The following VTCN1 variants were observed in gnomAD, a reference collection of about 807,000 sequenced individuals.
VTCN1 encodes V-set domain containing T cell activation inhibitor 1, also known as V-set domain-containing T-cell activation inhibitor 1.
In VTCN1, 26 loss-of-function variants were observed where a neutral mutation model predicts 26.5. That is an observed-to-expected ratio of 0.98 (90% CI 0.72 to 1.36). The LOEUF is 1.36. Among genes scored for constraint, VTCN1 ranks in the 40% most tolerant of loss-of-function variants. The pLI is 0.00. For synonymous variants in VTCN1, 116 were observed against 130.7 expected (o/e 0.89, Z 0.77); for missense variants, 298 against 337.7 (o/e 0.88, Z 0.92).
intron 4 of VTCN1, among the ~76,000 whole-genome samples, chr1:117,152,398 C>G (rs899437486): frequency 6.6e-5 from 10 of 152,088 alleles, no homozygotes; most frequent in Admixed American, 1.3e-4. Context: ...CAATTTCGCC[C>G]CAGGAAGGAT....
intron 1 of VTCN1, among the ~76,000 whole-genome samples, chr1:117,205,249 C>T (rs976018345): frequency 3.3e-5 from 5 of 151,566 alleles, no homozygotes; most frequent in Non-Finnish European, 4.4e-5. Context: ...CTTAACCTCA[C>T]AGGCTCAAGC....
At chr1:117,196,205 C>A (rs1648498296) in intron 1 of VTCN1, among the ~76,000 whole-genome samples, 1 of 151,748 alleles carries the variant, frequency 6.6e-6, no homozygotes, top group Non-Finnish European at 1.5e-5. Context: ...TAATTGAAGG[C>A]AATTAAATGT....
chr1:117,202,321 A>G (rs1442175781), intron 1 of VTCN1, among the ~76,000 whole-genome samples: 1 of 152,204 alleles, frequency 6.6e-6, no homozygotes, highest in Non-Finnish European at 1.5e-5. Flanking sequence ...GCAACCGGGT[A>G]TAGAGAAACG....
chr1:117,194,114 A>G (rs79814183), intron 1 of VTCN1, among the ~76,000 whole-genome samples: 2,166 of 152,318 alleles, frequency 0.014, 54 homozygotes, highest in African/African-American at 0.049. Flanking sequence ...TTTGCAAACC[A>G]TATATCTGAT....
chr1:117,160,723 G>T (rs1652324387), intron 2 of VTCN1, among the ~76,000 whole-genome samples: 1 of 152,130 alleles, frequency 6.6e-6, no homozygotes, highest in East Asian at 1.9e-4. Context: ...AGACGTGTTT[G>T]TTGTTGTTGT....
intron 1 of VTCN1, chr1:117,173,147 C>A: frequency 1.4e-6 from 1 of 714,962 alleles, no homozygotes; most frequent in Non-Finnish European, 2.6e-6. Context: ...CCGGAACAAA[C>A]AACTCCGGAC....
intron 1 of VTCN1, among the ~76,000 whole-genome samples, chr1:117,185,703 C>T (rs1319321616): frequency 2.0e-5 from 3 of 152,142 alleles, no homozygotes; most frequent in African/African-American, 7.2e-5. Flanking sequence ...GCTTCATCTG[C>T]GTGATAAAAT....
intron 1 of VTCN1, among the ~76,000 whole-genome samples, chr1:117,197,070 C>A (rs543286476): frequency 3.3e-5 from 5 of 152,298 alleles, no homozygotes; most frequent in Non-Finnish European, 7.3e-5. Flanking sequence ...TAAAAAGATT[C>A]TCTTGCAGTT....
Position 117,175,102 on chromosome 1 carries a change from T to G in VTCN1, c.33-4931A>C, listed in dbSNP as rs574309410. 6.6e-6 allele frequency among the ~76,000 whole-genome samples: 1 copy of G among 152,210 alleles called. No individual in the cohort carries two copies. The highest frequency in any genetic ancestry group is 1.5e-5 in the Non-Finnish European group (1 of 68,036). The stretch of plus-strand genomic sequence containing the variant: ...GCCTGCTTCAGCTGCTGCTGCCTTC[T>G]GCAGCATGTGAAAGAAATTGGGCCT... On this transcript the variant is annotated intron_variant, in intron 1 of 5. Coordinates refer to ENST00000369458, the MANE Select transcript of VTCN1 (RefSeq NM_024626.4). The surrounding 1 kb of genome is among the most constrained non-coding windows in gnomAD (Gnocchi z 4.2).
chr1:117,176,114 A>G (rs74111988), intron 1 of VTCN1, among the ~76,000 whole-genome samples: 2,154 of 152,258 alleles, frequency 0.014, 59 homozygotes, highest in African/African-American at 0.045. Flanking sequence ...TCAGAGGTCC[A>G]TGGCATGGCA....
In VTCN1 at chr1:117,144,497, A is replaced by G. The variant is rs1434481220; in HGVS notation, c.*774T>C. The G allele has an allele frequency of 6.6e-6, 1 of 152,236 alleles. No homozygotes were observed. The highest frequency in any genetic ancestry group is 2.4e-5 in the African/African-American group (1 of 41,456). 9.4% of individuals were successfully genotyped at this position (152,236 alleles called of 1,614,324 possible). On this transcript the variant is annotated 3_prime_UTR_variant, in exon 6 of 6. Coordinates refer to ENST00000369458, the MANE Select transcript of VTCN1 (RefSeq NM_024626.4). ...TCAGAGCTTGTGATGACATAATGCC[A>G]TATAGACAAGGTGAAAGGTCCTTCC...
intron 1 of VTCN1, among the ~76,000 whole-genome samples, chr1:117,191,855 G>C (rs1370094580): frequency 6.6e-6 from 1 of 152,092 alleles, no homozygotes; most frequent in East Asian, 1.9e-4. Flanking sequence ...TACTTCAGAG[G>C]CTAAGGTGGA....
At chr1:117,189,763 G>T (rs886659589) in intron 1 of VTCN1, among the ~76,000 whole-genome samples, 1 of 152,178 alleles carries the variant, frequency 6.6e-6, no homozygotes, top group Non-Finnish European at 1.5e-5. Context: ...GCTAAGAAGA[G>T]GGACATCAGT....
At chr1:117,198,587 G>T (rs940607285) in intron 1 of VTCN1, among the ~76,000 whole-genome samples, 1 of 152,126 alleles carries the variant, frequency 6.6e-6, no homozygotes, top group African/African-American at 2.4e-5. Context: ...CTCTGTAGAG[G>T]CATAAGCAAC....
chr1:117,192,010 T>G (rs539415918), intron 1 of VTCN1, among the ~76,000 whole-genome samples: 8 of 150,952 alleles, frequency 5.3e-5, no homozygotes, highest in Admixed American at 2.0e-4. Context: ...TCTTAGGAGA[T>G]ATATAGATAT....
At chr1:117,160,037 A>T (rs1020978876) in intron 2 of VTCN1, among the ~76,000 whole-genome samples, 1 of 152,100 alleles carries the variant, frequency 6.6e-6, no homozygotes, top group Non-Finnish European at 1.5e-5. Context: ...GAGGACACCT[A>T]TTGGGGTGAT....
At chr1:117,168,088 G>C (rs1465472979) in intron 2 of VTCN1, among the ~76,000 whole-genome samples, 1 of 152,030 alleles carries the variant, frequency 6.6e-6, no homozygotes, top group Non-Finnish European at 1.5e-5. Context: ...AGTGAATTCA[G>C]AAACAGATCA....
At position 117,145,431 on chromosome 1, in the gene VTCN1, C is replaced by T. The variant is rs7523182; in HGVS notation, c.*46-206G>A. Among the ~76,000 whole-genome samples the T allele has an allele frequency of 7.9e-5, 12 of 152,044 alleles. No individual in the cohort carries two copies. Among genetic ancestry groups the T allele is most frequent in the Admixed American group, 1.3e-4 (2 of 15,262 alleles). The stretch of plus-strand genomic sequence containing the variant: ...AGAGATGGCTTGAATCTCTCCTTAA[C>T]GGGGTATCATCCCAGTGGCAGTCTC... On this transcript the variant is annotated intron_variant, in intron 5 of 5. Transcript: ENST00000369458. The surrounding 1 kb of genome is among the most constrained non-coding windows in gnomAD (Gnocchi z 4.6).
rs1379361234 is a variant in VTCN1 at position 117,153,096 on chromosome 1, A to G, written c.719T>C (p.Val240Ala). 2.5e-6 allele frequency: 4 copies of G among 1,604,770 alleles called. No individual in the cohort carries two copies. In the Admixed American group the frequency reaches 6.7e-5, roughly 27 times the overall value. ...AAAAGCATGCAGGAACCCACCTGTC[A>G]CTTTGATATCCCCTGTTGCTTTGGC... ...DIAKATGDIK[V>A]TESEIKRRSH... is the part of the protein sequence containing the mutation. The change falls in exon 4 of 6, where the codon GTG becomes GCG. Residue 240 changes from valine to alanine, a missense_variant. By Grantham distance (64) the Val-to-Ala change is moderately conservative. Transcript: ENST00000369458.
Sources: allele counts gnomAD v4.1 joint callset (sites outside exome capture counted in the v4.1 genomes callset), GRCh38; gene constraint gnomAD v4.1.1; non-coding constraint Gnocchi (gnomAD v3.1); transcripts MANE v1.5; gene names NCBI Gene and HGNC (gene_info 2026-07-23, HGNC 2026-07-21).